Variants in POF1B observed in about 807,000 individuals in gnomAD.
POF1B encodes protein POF1B.
In POF1B, 53 loss-of-function variants were observed where a neutral mutation model predicts 55.3. That is an observed-to-expected ratio of 0.96 (90% CI 0.77 to 1.20). The LOEUF is 1.20. Among genes scored for constraint, POF1B ranks in the 50% most tolerant of loss-of-function variants. The probability of loss-of-function intolerance (pLI) is 0.00; values close to 1 mark genes in which losing one functional copy is unlikely to be tolerated. For synonymous variants in POF1B, 188 were observed against 148.3 expected (o/e 1.27, Z -1.95); for missense variants, 478 against 420.5 (o/e 1.14, Z -1.20).
chrX:85,367,815 G>A (rs1482539859), intron 2 of POF1B, 49 bp from the exon 3 acceptor site: 3 of 810,398 alleles, frequency 3.7e-6, no homozygotes, highest in Non-Finnish European at 5.3e-6. Context: ...AAAGTCTTAA[G>A]TTCTCATGGT....
chrX:85,303,502 G>A lies in POF1B; in HGVS notation c.1567-14C>T, dbSNP rs770115706. ...CTTGGAGAGTTCCTTACAAATAAAA[G>A]ATAATATAATCATTTGATGGAAAGT... On this transcript the variant is annotated splice_polypyrimidine_tract_variant and intron_variant, in intron 14 of 16. Coordinates refer to ENST00000262753, the MANE Select transcript of POF1B (RefSeq NM_024921.4). 9.6e-6 allele frequency: 10 copies of A among 1,036,805 alleles called. No individual in the cohort carries two copies. Among genetic ancestry groups the A allele is most frequent in the East Asian group, 3.1e-5 (1 of 32,488 alleles). The allele number at this position is 1,036,805 out of a possible 1,213,427, so 85.4% of individuals were successfully genotyped here.
intron 5 of POF1B, among the ~76,000 whole-genome samples, chrX:85,346,409 T>C (rs1361749192): frequency 1.8e-5 from 2 of 110,098 alleles, no homozygotes; most frequent in African/African-American, 3.3e-5. Flanking sequence ...TAAAACACTA[T>C]AATACCGAAG....
intron 7 of POF1B, among the ~76,000 whole-genome samples, chrX:85,326,421 G>C (rs946425001): frequency 9.1e-6 from 1 of 110,396 alleles, no homozygotes; most frequent in Non-Finnish European, 1.9e-5. Context: ...TACTGCTGGG[G>C]GGTGGGGGCG....
At chrX:85,294,253 T>A (rs747233765) in intron 15 of POF1B, among the ~76,000 whole-genome samples, 10 of 111,598 alleles carry the variant, frequency 9.0e-5, no homozygotes, top group Admixed American at 1.9e-4. Flanking sequence ...TCCCATACTA[T>A]GTTGAATGGG....
intron 2 of POF1B, among the ~76,000 whole-genome samples, chrX:85,372,343 C>CAAAAA (rs35860898): frequency 9.3e-5 from 6 of 64,461 alleles, no homozygotes; most frequent in African/African-American, 3.8e-4. Context: ...GACTCTGTCT[C>CAAAAA]AAAAAAAAAA....
intron 14 of POF1B, 120 bp downstream of exon 14, chrX:85,304,223 C>T (rs753783280): frequency 2.8e-6 from 2 of 717,899 alleles, no homozygotes; most frequent in African/African-American, 2.3e-5. Context: ...CATTTTATTT[C>T]ATTAAATAAA....
At chrX:85,361,126 A>G (rs763248129) in intron 3 of POF1B, among the ~76,000 whole-genome samples, 13 of 111,956 alleles carry the variant, frequency 1.2e-4, no homozygotes, top group African/African-American at 4.2e-4. Flanking sequence ...GCTGGATATT[A>G]GACTTGTCAA....
At chrX:85,296,317 G>A (rs181259165) in intron 15 of POF1B, among the ~76,000 whole-genome samples, 2 of 112,183 alleles carry the variant, frequency 1.8e-5, no homozygotes, top group African/African-American at 3.2e-5. Flanking sequence ...CTTTGGTTGT[G>A]TAGTTGTTTC....
In POF1B at chrX:85,278,169, G is replaced by T. The variant is rs1222303298; in HGVS notation, c.*1252C>A. Reference sequence around the variant, plus strand: ...CATTAAAAGTTTTTTCCTCATTTATGGTTTGATTTAGTGTAGTGCCTCAAC... The same window carrying T: ...CATTAAAAGTTTTTTCCTCATTTATTGTTTGATTTAGTGTAGTGCCTCAAC... On this transcript the variant is annotated 3_prime_UTR_variant, in exon 17 of 17. Transcript: ENST00000262753. 2 of 110,632 alleles carry T rather than the reference G, an allele frequency of 1.8e-5. No individual in the cohort carries two copies. The highest frequency in any genetic ancestry group is 3.8e-5 in the Non-Finnish European group (2 of 52,470). The allele number at this position is 110,632 out of a possible 1,213,427, so 9.1% of individuals were successfully genotyped here. A position where few individuals can be genotyped will look rare whatever the true frequency, so the allele number is the denominator to read the frequency against.
intron 7 of POF1B, among the ~76,000 whole-genome samples, chrX:85,316,331 T>C (rs989436925): frequency 9.0e-6 from 1 of 111,532 alleles, no homozygotes; most frequent in African/African-American, 3.2e-5. Flanking sequence ...AGTGGGGTAA[T>C]AGAATTTCCA....
At chrX:85,356,548 A>G (rs1933505137) in intron 4 of POF1B, among the ~76,000 whole-genome samples, 1 of 110,803 alleles carries the variant, frequency 9.0e-6, no homozygotes, top group Non-Finnish European at 1.9e-5. Flanking sequence ...GAAATGTCTT[A>G]CTGAAAAAAA....
chrX:85,314,073 G>T (rs1004706450), intron 9 of POF1B, among the ~76,000 whole-genome samples: 2 of 110,680 alleles, frequency 1.8e-5, no homozygotes, highest in Non-Finnish European at 3.8e-5. Flanking sequence ...GTGTCTATTT[G>T]ATTTTTCTCT....
intron 15 of POF1B, among the ~76,000 whole-genome samples, chrX:85,303,003 A>G (rs1932492630): frequency 9.0e-6 from 1 of 111,594 alleles, no homozygotes. Context: ...AGCAGAGCCA[A>G]GATATAAAGA....
rs963164020 is a variant in POF1B, at chrX:85,284,552, G to T, written c.1650-2235C>A. On this transcript the variant is annotated intron_variant, in intron 15 of 16. Coordinates refer to ENST00000262753, the MANE Select transcript of POF1B (RefSeq NM_024921.4). Reference sequence around the variant, plus strand: ...ACAAATCTGACAAAAACAATAAATGGGGAAAGGATTCCCTTTTTAATAAAT... The same window carrying T: ...ACAAATCTGACAAAAACAATAAATGTGGAAAGGATTCCCTTTTTAATAAAT... Among the ~76,000 whole-genome samples the T allele has an allele frequency of 5.4e-5, 6 of 111,535 alleles. No individual in the cohort carries two copies. In the Admixed American group the frequency reaches 5.7e-4, roughly 11 times the overall value.
intron 9 of POF1B, 50 bp from the exon 10 acceptor site, chrX:85,308,266 G>T: frequency 1.1e-6 from 1 of 881,784 alleles, no homozygotes; most frequent in Non-Finnish European, 1.6e-6. Flanking sequence ...TTTGAAAATA[G>T]GCAATATAAG....
At chrX:85,339,261 T>G (rs754599280) in intron 6 of POF1B, among the ~76,000 whole-genome samples, 18 of 110,197 alleles carry the variant, frequency 1.6e-4, no homozygotes, top group Non-Finnish European at 2.7e-4. Context: ...TCATGAGACT[T>G]ACTCACTATC....
At chrX:85,353,202 G>T (rs1372360752) in intron 4 of POF1B, among the ~76,000 whole-genome samples, 1 of 110,607 alleles carries the variant, frequency 9.0e-6, no homozygotes, top group Non-Finnish European at 1.9e-5. Flanking sequence ...TGAAGAAAAT[G>T]GTATTCCAAG....
At chrX:85,323,499 G>A (rs191364404) in intron 7 of POF1B, among the ~76,000 whole-genome samples, 1 of 108,344 alleles carries the variant, frequency 9.2e-6, no homozygotes, top group African/African-American at 3.4e-5. Flanking sequence ...AATGCTAAAT[G>A]ACGAGTTAAT....
intron 6 of POF1B, among the ~76,000 whole-genome samples, chrX:85,336,092 GTGAAAACA>G (rs770163912): frequency 1.8e-5 from 2 of 110,555 alleles, no homozygotes; most frequent in Non-Finnish European, 3.8e-5. Flanking sequence ...CCACAAATAA[GTGAAAACA>G]TGTAATATTT....
Sources: gnomAD v4.1 joint callset for allele counts (sites outside exome capture counted in the v4.1 genomes callset) on GRCh38, gnomAD v4.1.1 for gene constraint, MANE v1.5 for transcripts, NCBI Gene and HGNC (gene_info 2026-07-23, HGNC 2026-07-21) for gene names.